The following NTNG1 variants were observed in gnomAD, a reference collection of about 807,000 sequenced individuals.
The protein encoded by NTNG1 is netrin G1.
In NTNG1, 16 loss-of-function variants were observed where a neutral mutation model predicts 54.0. The ratio of observed to expected loss-of-function variants is 0.30; its 90% CI spans 0.20 to 0.45. The LOEUF (loss-of-function observed/expected upper bound fraction) is 0.45, where lower values mean the gene tolerates loss of function less well. Ranked by LOEUF, NTNG1 falls within the 20% of genes least tolerant of loss-of-function variation. The pLI, the probability that NTNG1 is intolerant of heterozygous loss-of-function variation, is 1.00. For synonymous variants in NTNG1, 255 were observed against 263.1 expected (o/e 0.97, Z 0.30); for missense variants, 530 against 678.7 (o/e 0.78, Z 2.43).
At chr1:107,413,822 A>G (rs368413445) in intron 5 of NTNG1, among the ~76,000 whole-genome samples, 3 of 152,202 alleles carry the variant, frequency 2.0e-5, no homozygotes, top group South Asian at 2.1e-4. Flanking sequence ...TCAATGTCCA[A>G]TTTCCAAACC....
At chr1:107,402,825 G>A (rs1557969504) in intron 4 of NTNG1, among the ~76,000 whole-genome samples, 1 of 152,052 alleles carries the variant, frequency 6.6e-6, no homozygotes, top group East Asian at 1.9e-4. Context: ...ATTCCTGATG[G>A]CTGCAGTCTG....
In NTNG1 at chr1:107,480,674, G is replaced by A. The variant is rs200646740; in HGVS notation, c.1454G>A (p.Arg485His). 6.2e-6 allele frequency: 10 copies of A among 1,607,548 alleles called. No homozygotes were observed. Among genetic ancestry groups the A allele is most frequent in the Non-Finnish European group, 8.5e-6 (10 of 1,177,060 alleles). The change falls in exon 8 of 8, where the codon CGC becomes CAC. Residue 485 changes from arginine to histidine, a missense_variant. Physicochemically the swap from Arg to His is conservative, Grantham distance 29. Coordinates refer to ENST00000370068, the MANE Select transcript of NTNG1 (RefSeq NM_001113226.3). ...GGAGGGACGTGCCACAACAACGTGC[G>A]CTGCCTGTGCCCGGCCGCATACACG... ...QNGGTCHNNV[R>H]CLCPAAYTGI... is the part of the protein sequence containing the mutation.
chr1:107,186,621 G>T (rs990260050), intron 2 of NTNG1, among the ~76,000 whole-genome samples: 6 of 152,112 alleles, frequency 3.9e-5, no homozygotes, highest in African/African-American at 1.4e-4. Flanking sequence ...CTAACTCTCC[G>T]GCCACCCAAG....
chr1:107,310,713 G>C (rs1471431053), intron 2 of NTNG1, among the ~76,000 whole-genome samples: 4 of 151,970 alleles, frequency 2.6e-5, no homozygotes, highest in Admixed American at 2.0e-4. Context: ...GAAAATCTTG[G>C]GGGGGAAAGA....
rs201986277 is a variant in NTNG1 at position 107,148,638 on chromosome 1, G to C, written c.45G>C (p.Thr15=). The C allele has an allele frequency of 6.2e-7, 1 of 1,612,968 alleles. No homozygotes were observed. The highest frequency in any genetic ancestry group is 1.1e-5 in the South Asian group (1 of 91,052). ...RFLSIHALWV[T]VSSVMQPYPL... ...TGTCGATTCATGCCCTTTGGGTTAC[G>C]GTGTCCTCAGTGATGCAGCCCTACC... The change falls in exon 2 of 8, where the codon ACG becomes ACC. Residue 15 remains threonine (T), a synonymous_variant. Transcript: ENST00000370068.
At chr1:107,199,978 A>G (rs115015856) in intron 2 of NTNG1, among the ~76,000 whole-genome samples, 189 of 151,978 alleles carry the variant, frequency 1.2e-3, no homozygotes, top group African/African-American at 4.1e-3. Context: ...AGAATCTTTC[A>G]GCACCAGTTT....
intron 5 of NTNG1, among the ~76,000 whole-genome samples, chr1:107,411,943 G>A (rs142798412): frequency 4.6e-5 from 7 of 152,198 alleles, no homozygotes; most frequent in East Asian, 1.9e-4. Context: ...AGAACAAATC[G>A]AATATTCCAA....
intron 7 of NTNG1, among the ~76,000 whole-genome samples, chr1:107,445,268 A>C (rs1676238666): frequency 6.6e-6 from 1 of 152,104 alleles, no homozygotes; most frequent in African/African-American, 2.4e-5. Flanking sequence ...ATGTTTGCTC[A>C]ATCATCAGCC....
chr1:107,386,149 G>GCACA (rs1671969078), intron 3 of NTNG1, among the ~76,000 whole-genome samples: 3 of 98,732 alleles, frequency 3.0e-5, no homozygotes, highest in African/African-American at 1.0e-4. Flanking sequence ...ATATATGTGT[G>GCACA]TATATATATA....
intron 4 of NTNG1, among the ~76,000 whole-genome samples, chr1:107,403,436 G>A (rs140547528): frequency 2.0e-5 from 3 of 152,100 alleles, no homozygotes; most frequent in South Asian, 2.1e-4. Context: ...GGGGCTGAGC[G>A]TGGTGGCTTA....
At chr1:107,363,028 A>G (rs1215157924) in intron 3 of NTNG1, among the ~76,000 whole-genome samples, 2 of 152,138 alleles carry the variant, frequency 1.3e-5, no homozygotes, top group Admixed American at 6.6e-5. Flanking sequence ...TGAATTTCTT[A>G]GGAACATTTT....
At chr1:107,204,780 C>G (rs947975134) in intron 2 of NTNG1, among the ~76,000 whole-genome samples, 1 of 152,128 alleles carries the variant, frequency 6.6e-6, no homozygotes, top group African/African-American at 2.4e-5. Context: ...CTGACTGTTT[C>G]CCTGCCTCCT....
rs137861025 is a variant in NTNG1 at position 107,215,111 on chromosome 1, C to T, written c.246+66272C>T. 4.7e-4 allele frequency among the ~76,000 whole-genome samples: 72 copies of T among 152,156 alleles called. 1 individual carries two copies. The East Asian group carries it at 0.013, about 27-fold the overall frequency. On this transcript the variant is annotated intron_variant, in intron 2 of 7. Coordinates refer to ENST00000370068, the MANE Select transcript of NTNG1 (RefSeq NM_001113226.3). ...TTTACTCTGATGATTATTTATTTTG[C>T]TGTGCAGAAGCTTTTTAGTTTAACT...
intron 5 of NTNG1, among the ~76,000 whole-genome samples, chr1:107,419,837 T>C (rs1674468987): frequency 6.6e-6 from 1 of 152,052 alleles, no homozygotes; most frequent in Non-Finnish European, 1.5e-5. Flanking sequence ...TGATGAAATC[T>C]AGACTGTCCT....
At chr1:107,178,490 C>T (rs1656819247) in intron 2 of NTNG1, among the ~76,000 whole-genome samples, 1 of 151,700 alleles carries the variant, frequency 6.6e-6, no homozygotes, top group Non-Finnish European at 1.5e-5. Flanking sequence ...CATTGTTGTC[C>T]TAGGTAGGAC....
chr1:107,195,992 A>T (rs528798927), intron 2 of NTNG1, among the ~76,000 whole-genome samples: 1 of 145,480 alleles, frequency 6.9e-6, no homozygotes, highest in South Asian at 2.1e-4. Flanking sequence ...CCCTCCTAGA[A>T]TGTAAGCCTC....
rs761577260 is a variant in NTNG1, at chr1:107,421,168, T to G, written c.1088-9582T>G. 3 of 1,509,156 alleles carry G rather than the reference T, an allele frequency of 2.0e-6. No homozygotes were observed. In the African/African-American group the frequency reaches 4.1e-5, roughly 21 times the overall value. The allele number at this position is 1,509,156 out of a possible 1,614,324, so 93.5% of individuals were successfully genotyped here. A position where few individuals can be genotyped will look rare whatever the true frequency, so the allele number is the denominator to read the frequency against. ...GGTAGGAATTCTTGGATTCATACAG[T>G]GATTTCATGGTGTTATGTGTTGTGA... is the stretch of plus-strand genomic sequence containing the variant. On this transcript the variant is annotated intron_variant, in intron 5 of 7. Coordinates refer to ENST00000370068, the MANE Select transcript of NTNG1 (RefSeq NM_001113226.3).
rs530542226 is a variant in NTNG1, at chr1:107,151,173, T to G, written c.246+2334T>G. 2.0e-5 allele frequency among the ~76,000 whole-genome samples: 3 copies of G among 152,350 alleles called. No individual in the cohort carries two copies. In the South Asian group the frequency reaches 6.2e-4, roughly 32 times the overall value. ...ATAACAAATTTAATAATCTATCCTT[T>G]AAATATATACCTTGTGACTATTTGT... On this transcript the variant is annotated intron_variant, in intron 2 of 7. Transcript: ENST00000370068.
chr1:107,324,313 A>T lies in NTNG1; in HGVS notation c.278A>T (p.Asp93Val). The T allele has an allele frequency of 6.2e-7, 1 of 1,613,530 alleles. No homozygotes were observed. Among genetic ancestry groups the T allele is most frequent in the Non-Finnish European group, 8.5e-7 (1 of 1,179,678 alleles). ...CCCTACATGTGCAATAATGAGTGTGATGCGAGTACCCCTGAGCTGGCACAC... is the reference window on the plus strand; with the variant it reads ...CCCTACATGTGCAATAATGAGTGTGTTGCGAGTACCCCTGAGCTGGCACAC... The part of the protein sequence containing the change: ...GNPYMCNNEC[D>V]ASTPELAHPP... Residue 93 changes from aspartate to valine, a missense_variant, in exon 3 of 8, where the codon GAT (aspartate) becomes GTT (valine). Physicochemically the swap from Asp to Val is radical, Grantham distance 152. Transcript: ENST00000370068.
Sources: allele counts gnomAD v4.1 joint callset (sites outside exome capture counted in the v4.1 genomes callset), GRCh38; gene constraint gnomAD v4.1.1; transcripts MANE v1.5; gene names NCBI Gene and HGNC (gene_info 2026-07-23, HGNC 2026-07-21).